Variants in AGMO observed in about 807,000 individuals in gnomAD.
AGMO encodes glyceryl-ether monooxygenase.
In AGMO, 75 loss-of-function variants were observed where a neutral mutation model predicts 60.2. The observed-to-expected ratio is 1.25, with a 90% CI of 1.03 to 1.51. The LOEUF (loss-of-function observed/expected upper bound fraction) is 1.51. Ranked by LOEUF, AGMO falls within the 40% of genes most tolerant of loss-of-function variation. The pLI is 0.00. For missense variants in AGMO, 763 were observed against 525.5 expected (o/e 1.45, Z -4.42); for synonymous variants, 261 against 177.1 (o/e 1.47, Z -3.76).
At chr7:15,374,482 A>T (rs1458867666) in intron 10 of AGMO, among the ~76,000 whole-genome samples, 1 of 152,152 alleles carries the variant, frequency 6.6e-6, no homozygotes, top group African/African-American at 2.4e-5. Context: ...TATTTTATAA[A>T]TACCAAAATA....
chr7:15,390,182 C>CA (rs1009384334), intron 8 of AGMO, among the ~76,000 whole-genome samples: 31 of 152,002 alleles, frequency 2.0e-4, no homozygotes, highest in African/African-American at 7.5e-4. Context: ...AAAACTGGTC[C>CA]AGTCCAACAA....
chr7:15,265,259 CA>C (rs778175974), intron 12 of AGMO, among the ~76,000 whole-genome samples: 4 of 151,864 alleles, frequency 2.6e-5, no homozygotes, highest in Non-Finnish European at 4.4e-5. Flanking sequence ...AAAGATGGAA[CA>C]ACAGACAATG....
chr7:15,261,758 T>G (rs760630330), intron 12 of AGMO, among the ~76,000 whole-genome samples: 21 of 151,946 alleles, frequency 1.4e-4, no homozygotes, highest in Non-Finnish European at 2.8e-4. Flanking sequence ...ATCAACAAAA[T>G]ACTGGTGAAT....
At chr7:15,241,117 G>C (rs372018146) in intron 12 of AGMO, among the ~76,000 whole-genome samples, 2 of 152,012 alleles carry the variant, frequency 1.3e-5, no homozygotes, top group African/African-American at 4.8e-5. Flanking sequence ...ATATCCCAGA[G>C]ATAGAATGCG....
chr7:15,365,388 A>AAAAAAAAAAAAAAAAAAAAAAAAAAG, intron 12 of AGMO, 126 bp downstream of exon 12: 1 of 467,756 alleles, frequency 2.1e-6, no homozygotes, highest in African/African-American at 2.2e-5. Flanking sequence ...AGTAAAAAAA[A>AAAAAAAAAAAAAAAAAAAAAAAAAAG]AAAAAAAGAT....
intron 5 of AGMO, among the ~76,000 whole-genome samples, chr7:15,402,361 A>G (rs1283066665): frequency 5.4e-5 from 8 of 148,516 alleles, no homozygotes; most frequent in Middle Eastern, 6.9e-3. Flanking sequence ...TCATCTATCT[A>G]TCTGTATCCA....
At chr7:15,272,776 T>G (rs1783656275) in intron 12 of AGMO, among the ~76,000 whole-genome samples, 1 of 152,152 alleles carries the variant, frequency 6.6e-6, no homozygotes, top group African/African-American at 2.4e-5. Context: ...TTTCTCCACA[T>G]TCTCTCCAGC....
rs574546454 is a variant in AGMO at position 15,500,158 on chromosome 7, A to G, written c.409+44614T>C. Among the ~76,000 whole-genome samples the G allele has an allele frequency of 9.1e-4, 138 of 151,998 alleles. 2 individuals carry two copies. The highest frequency in any genetic ancestry group is 3.2e-3 in the African/African-American group (131 of 41,550). On this transcript the variant is annotated intron_variant, in intron 3 of 12. Transcript: ENST00000342526. ...ATTAAAATTTGTAAAAGCAATTCTTAAAAATTAAAAATAGTTAACAAATGA... is the reference window on the plus strand; with the variant it reads ...ATTAAAATTTGTAAAAGCAATTCTTGAAAATTAAAAATAGTTAACAAATGA...
At chr7:15,474,348 C>T (rs1330960516) in intron 3 of AGMO, among the ~76,000 whole-genome samples, 1 of 152,108 alleles carries the variant, frequency 6.6e-6, no homozygotes, top group Non-Finnish European at 1.5e-5. Flanking sequence ...GGTACCAAAA[C>T]AGAGATATAG....
At chr7:15,199,018 C>G (rs1720097907), downstream of AGMO, among the ~76,000 whole-genome samples, 1 of 152,114 alleles carries the variant, frequency 6.6e-6, no homozygotes, top group African/African-American at 2.4e-5. Flanking sequence ...TAAGAAAGTG[C>G]CGTTATCATT....
At chr7:15,321,684 C>T (rs996116181) in intron 12 of AGMO, among the ~76,000 whole-genome samples, 35 of 151,270 alleles carry the variant, frequency 2.3e-4, no homozygotes, top group Non-Finnish European at 3.8e-4. Context: ...ACGACTTCTA[C>T]GGAACAAAAA....
At chr7:15,125,501 C>G in the AGMO span, among the ~76,000 whole-genome samples, 5 of 152,072 alleles carry the variant, frequency 3.3e-5, no homozygotes, top group African/African-American at 1.2e-4. Flanking sequence ...TGAAGTATGC[C>G]TCTGCCTCAT....
intron 12 of AGMO, among the ~76,000 whole-genome samples, chr7:15,257,095 G>C (rs1291979059): frequency 6.6e-6 from 1 of 152,016 alleles, no homozygotes; most frequent in Non-Finnish European, 1.5e-5. Context: ...ATATGTTTTT[G>C]TATGCTGCGG....
intron 10 of AGMO, 55 bp from the exon 11 acceptor site, chr7:15,366,277 C>A (rs1782977599): frequency 6.5e-6 from 9 of 1,380,700 alleles, no homozygotes; most frequent in South Asian, 1.3e-5. Flanking sequence ...TTAAAAGGTA[C>A]ACGAACGGTT....
intron 12 of AGMO, among the ~76,000 whole-genome samples, chr7:15,212,526 T>C (rs1225243398): frequency 6.6e-6 from 1 of 151,954 alleles, no homozygotes; most frequent in Non-Finnish European, 1.5e-5. Context: ...CTTTATAATG[T>C]TGTCATTCAA....
At chr7:15,505,774 T>G (rs915300551) in intron 3 of AGMO, among the ~76,000 whole-genome samples, 1 of 152,086 alleles carries the variant, frequency 6.6e-6, no homozygotes, top group African/African-American at 2.4e-5. Context: ...AATATTTTCC[T>G]TGTTTAAATT....
chr7:15,543,481 A>G (rs1784686246), intron 3 of AGMO, among the ~76,000 whole-genome samples: 2 of 152,170 alleles, frequency 1.3e-5, no homozygotes, highest in Admixed American at 1.3e-4. Flanking sequence ...TGGTAACAGA[A>G]AAGTGCATAT....
intron 5 of AGMO, among the ~76,000 whole-genome samples, chr7:15,411,848 T>C (rs1780619870): frequency 6.6e-6 from 1 of 152,068 alleles, no homozygotes; most frequent in Non-Finnish European, 1.5e-5. Flanking sequence ...AGAATGGAGA[T>C]AGTTACCTAA....
intron 12 of AGMO, among the ~76,000 whole-genome samples, chr7:15,256,446 C>T (rs750979805): frequency 6.6e-6 from 1 of 152,070 alleles, no homozygotes. Flanking sequence ...AGGTTCACGC[C>T]ATTCTCCTGC....
Sources: gnomAD v4.1 joint callset for allele counts (sites outside exome capture counted in the v4.1 genomes callset) on GRCh38, gnomAD v4.1.1 for gene constraint, MANE v1.5 for transcripts, NCBI Gene and HGNC (gene_info 2026-07-23, HGNC 2026-07-21) for gene names.